Variants in LAMA5 observed in about 807,000 individuals in gnomAD.
LAMA5 encodes the protein laminin subunit alpha 5.
In LAMA5, 260 loss-of-function variants were observed where a neutral mutation model predicts 433.4. The observed-to-expected ratio is 0.60, with a 90% CI of 0.54 to 0.66. The LOEUF (loss-of-function observed/expected upper bound fraction) is 0.66. LAMA5 is among the 30% of genes least tolerant of loss of function. The probability of loss-of-function intolerance (pLI) is 0.00; values close to 1 mark genes in which losing one functional copy is unlikely to be tolerated. For synonymous variants in LAMA5, 2,620 were observed against 2,226.6 expected (o/e 1.18, Z -4.97); for missense variants, 5,378 against 5,258.5 (o/e 1.02, Z -0.70).
At chr20:62,332,162 C>G (rs548245264) in intron 28 of LAMA5, among the ~76,000 whole-genome samples, 50 of 152,236 alleles carry the variant, frequency 3.3e-4, no homozygotes, top group African/African-American at 1.0e-3. Flanking sequence ...CTTTCCTGAG[C>G]ACATGGAACA....
intron 64 of LAMA5, 29 bp from the exon 65 acceptor site, chr20:62,313,279 G>GAGGGT (rs1568896216): frequency 2.6e-6 from 4 of 1,539,586 alleles, no homozygotes; most frequent in Non-Finnish European, 3.5e-6. Flanking sequence ...GGGGTCAGCG[G>GAGGGT]AGGGTGGGGT....
chr20:62,310,519 G>A lies in LAMA5; in HGVS notation c.10500C>T (p.Pro3500=). The A allele has an allele frequency of 6.4e-7, 1 of 1,554,560 alleles. No individual in the cohort carries two copies. Residue 3500 remains proline (P), a synonymous_variant, in exon 76 of 80, where the codon CCC becomes CCT. Coordinates refer to ENST00000252999, the MANE Select transcript of LAMA5 (RefSeq NM_005560.6). ...CVKRLRLHGR[P]LGAPTRMAGV... Reference sequence around the variant, plus strand: ...CTGCCATCCGTGTGGGGGCCCCCAGGGGCCTCCCGTGCAGCCTCAGTCTCT... The same window carrying A: ...CTGCCATCCGTGTGGGGGCCCCCAGAGGCCTCCCGTGCAGCCTCAGTCTCT...
intron 23 of LAMA5, 68 bp downstream of exon 23, chr20:62,333,833 G>GGGGGT: frequency 4.9e-6 from 7 of 1,438,388 alleles, no homozygotes; most frequent in East Asian, 2.6e-5. Context: ...GGCGGGGCTT[G>GGGGGT]GGAGTGGGGT....
At chr20:62,309,966 C>A in intron 78 of LAMA5, 22 bp downstream of exon 78, 1 of 1,607,794 alleles carries the variant, frequency 6.2e-7, no homozygotes, top group Non-Finnish European at 8.5e-7. Context: ...GCAGAGTGCC[C>A]TGGCCACAGG....
In LAMA5 at chr20:62,322,010, A is replaced by G; in HGVS notation, c.6496+9T>C. The stretch of plus-strand genomic sequence containing the variant: ...TCAGGTGTGGGGAAGTGGGGTGTTG[A>G]GGACACACCTTCACAGTGGATGCTG... On this transcript the variant is annotated intron_variant, in intron 48 of 79. Transcript: ENST00000252999. 6.3e-7 allele frequency: 1 copy of G among 1,597,388 alleles called. No individual in the cohort carries two copies. The highest frequency in any genetic ancestry group is 2.2e-5 in the East Asian group (1 of 44,836).
chr20:62,310,283 C>T lies in LAMA5; in HGVS notation c.10629G>A (p.Val3543=). 6.2e-7 allele frequency: 1 copy of T among 1,610,348 alleles called. No individual in the cohort carries two copies. Among genetic ancestry groups the T allele is most frequent in the Non-Finnish European group, 8.5e-7 (1 of 1,178,440 alleles). Residue 3543 remains valine, a synonymous_variant, in exon 77 of 80, where the codon GTG becomes GTA. Coordinates refer to ENST00000252999, the MANE Select transcript of LAMA5 (RefSeq NM_005560.6). The stretch of plus-strand genomic sequence containing the variant: ...GGGGCCGCACCTCCAGTTCCAGGCC[C>T]ACATCAGGCAGTGTAGCTCCTGGGA... ...LDLPGATLPD[V]GLELEVRPLA... is the part of the protein sequence containing the mutation.
In LAMA5 at chr20:62,318,448, C is replaced by CCG; in HGVS notation, c.7239+5_7239+6insCG. 5.0e-6 allele frequency: 8 copies of CCG among 1,585,632 alleles called. No homozygotes were observed. Among genetic ancestry groups the CCG allele is most frequent in the Non-Finnish European group, 5.1e-6 (6 of 1,170,930 alleles). Reference sequence around the variant, plus strand: ...GCAGGAGGAAGAACAAGTCCGGGGTCCTCACCAGGGCTTCCTCCAGGCGCT... The same window carrying CCG: ...GCAGGAGGAAGAACAAGTCCGGGGTCCGCTCACCAGGGCTTCCTCCAGGCGCT... On this transcript the variant is annotated splice_donor_region_variant and intron_variant, in intron 53 of 79. Coordinates refer to ENST00000252999, the MANE Select transcript of LAMA5 (RefSeq NM_005560.6).
Position 62,327,536 on chromosome 20 carries a change from C to T in LAMA5, c.4931G>A (p.Arg1644His), listed in dbSNP as rs757719971. 9.3e-6 allele frequency: 15 copies of T among 1,612,728 alleles called. No homozygotes were observed. The highest frequency in any genetic ancestry group is 3.3e-5 in the Admixed American group (2 of 60,006). The change falls in exon 37 of 80, where the codon CGC (arginine) becomes CAC (histidine). Residue 1644 changes from arginine (R) to histidine (H), a missense_variant. Transcript: ENST00000252999. ...TERCRSSSYT[R>H]QEFVDMEGWV... ...TCAGTCCTGCAGGCGCACCTCCTGG[C>T]GGGTGTAGGACGAGCTCCGGCAGCG...
In LAMA5 at chr20:62,310,734, T is replaced by C. The variant is rs1986165402; in HGVS notation, c.10377A>G (p.Ala3459=). ...AGAGGGTGTGGGGCTGGGGGTGCTC[T>C]GCCCCCTGGTGCTGCCGGTGCGGCC... ...QEGPHRQHQG[A]EHPQPHTLFV... is the part of the protein sequence containing the mutation. Residue 3459 remains alanine (A), a synonymous_variant, in exon 75 of 80, where the codon GCA becomes GCG. Transcript: ENST00000252999. 6.3e-7 allele frequency: 1 copy of C among 1,583,254 alleles called. No individual in the cohort carries two copies. Among genetic ancestry groups the C allele is most frequent in the Non-Finnish European group, 8.6e-7 (1 of 1,167,910 alleles).
At position 62,323,445 on chromosome 20, in the gene LAMA5, C is replaced by T. The variant is rs1425356606; in HGVS notation, c.6064+11G>A. The stretch of plus-strand genomic sequence containing the variant: ...CTCCCCAGGGTGCATCCCTCCCAGC[C>T]CGACGCCTACGGGTGCAGTTGCCGG... On this transcript the variant is annotated intron_variant, in intron 45 of 79. Coordinates refer to ENST00000252999, the MANE Select transcript of LAMA5 (RefSeq NM_005560.6). 1 of 1,531,456 alleles carries T rather than the reference C, an allele frequency of 6.5e-7. No homozygotes were observed. Among genetic ancestry groups the T allele is most frequent in the East Asian group, 2.5e-5 (1 of 40,790 alleles). The allele number at this position is 1,531,456 out of a possible 1,614,324, so 94.9% of individuals were successfully genotyped here.
rs776755768 is a variant in LAMA5 at position 62,338,381 on chromosome 20, G to C, written c.1619-12C>G. 5.6e-6 allele frequency: 9 copies of C among 1,606,932 alleles called. No individual in the cohort carries two copies. The highest frequency in any genetic ancestry group is 1.3e-5 in the African/African-American group (1 of 74,986). On this transcript the variant is annotated splice_polypyrimidine_tract_variant and intron_variant, in intron 12 of 79. Coordinates refer to ENST00000252999, the MANE Select transcript of LAMA5 (RefSeq NM_005560.6). ...GGAACACTGGCAGGCTGCAGGAAAG[G>C]GTGGCCCACATGCTTGGTCAGAGGC...
At chr20:62,337,043 C>T (rs897655613) in intron 16 of LAMA5, 2 of 662,360 alleles carry the variant, frequency 3.0e-6, no homozygotes, top group Non-Finnish European at 5.6e-6. Context: ...GTACATTCCA[C>T]ACGCAGTGTG....
Position 62,317,429 on chromosome 20 carries a change from G to A in LAMA5, c.7427C>T (p.Ser2476Phe), listed in dbSNP as rs777433687. The change falls in exon 55 of 80, where the codon TCC becomes TTC. Residue 2476 changes from serine to phenylalanine, a missense_variant. Transcript: ENST00000252999. ...TPLLQRMQTFSPAGSKLRLVE... is the reference protein window; with the variant it reads ...TPLLQRMQTFFPAGSKLRLVE... Reference sequence around the variant, plus strand: ...TAGACGCAGCTTGCTGCCCGCCGGGGAGAAGGTCTGCATCCTCTGCAGCAG... The same window carrying A: ...TAGACGCAGCTTGCTGCCCGCCGGGAAGAAGGTCTGCATCCTCTGCAGCAG... 41 of 1,605,922 alleles carry A rather than the reference G, an allele frequency of 2.6e-5. No homozygotes were observed. The highest frequency in any genetic ancestry group is 3.2e-5 in the Non-Finnish European group (38 of 1,176,582).
intron 50 of LAMA5, 53 bp downstream of exon 50, chr20:62,320,506 G>T: frequency 7.3e-7 from 1 of 1,369,690 alleles, no homozygotes; most frequent in Non-Finnish European, 1.0e-6. Context: ...AGCGAACCGC[G>T]GGGAACACAG....
At chr20:62,361,115 C>T (rs1368697778) in intron 2 of LAMA5, among the ~76,000 whole-genome samples, 2 of 152,138 alleles carry the variant, frequency 1.3e-5, no homozygotes, top group Admixed American at 6.5e-5. Flanking sequence ...AGAATTCACA[C>T]GTACGCTACA....
At position 62,318,582 on chromosome 20, in the gene LAMA5, G is replaced by A. The variant is rs149456369; in HGVS notation, c.7111C>T (p.Arg2371Cys). Residue 2371 changes from arginine (R) to cysteine (C), a missense_variant, in exon 53 of 80, where the codon CGC becomes TGC. Transcript: ENST00000252999. ...EENQALATQT[R>C]DRLAQHEAGL... Reference sequence around the variant, plus strand: ...GCCTCGTGCTGGGCCAGCCGGTCGCGGGTTTGTGTGGCCAGTGCCTGGTTC... The same window carrying A: ...GCCTCGTGCTGGGCCAGCCGGTCGCAGGTTTGTGTGGCCAGTGCCTGGTTC... The A allele has an allele frequency of 7.4e-4, 1,187 of 1,610,734 alleles. 1 individual carries two copies. Among genetic ancestry groups the A allele is most frequent in the East Asian group, 1.1e-3 (50 of 44,784 alleles).
intron 2 of LAMA5, among the ~76,000 whole-genome samples, chr20:62,360,509 AGATG>A (rs561573164): frequency 0.078 from 13 of 166 alleles, 6 homozygotes; most frequent in East Asian, 0.67. Flanking sequence ...GTGGAGGGAT[AGATG>A]GGTGGGTGGG....
At chr20:62,347,304 C>T (rs532822638) in intron 6 of LAMA5, among the ~76,000 whole-genome samples, 3 of 152,144 alleles carry the variant, frequency 2.0e-5, no homozygotes, top group East Asian at 3.9e-4. Context: ...TTTGTGGAGG[C>T]GGGACTGGGG....
At position 62,311,729 on chromosome 20, in the gene LAMA5, G is replaced by C. The variant is rs751201189; in HGVS notation, c.9691C>G (p.Pro3231Ala). 3.2e-6 allele frequency: 5 copies of C among 1,560,800 alleles called. No individual in the cohort carries two copies. The highest frequency in any genetic ancestry group is 3.9e-5 in the Admixed American group (2 of 51,560). The change falls in exon 71 of 80, where the codon CCC becomes GCC. Residue 3231 changes from proline (P) to alanine (A), a missense_variant. Coordinates refer to ENST00000252999, the MANE Select transcript of LAMA5 (RefSeq NM_005560.6). ...TCAGGCTGCGGCTGGAGCTCGGGGG[G>C]TGGTCCCCGGTGGGGCTTCATCTGC... ...LQQMKPHRGP[P>A]PELQPQPEGP...
Sources: allele counts gnomAD v4.1 joint callset (sites outside exome capture counted in the v4.1 genomes callset), GRCh38; gene constraint gnomAD v4.1.1; transcripts MANE v1.5; gene names NCBI Gene and HGNC (gene_info 2026-07-23, HGNC 2026-07-21).